The following SCARA3 variants were observed in gnomAD, a reference collection of about 807,000 sequenced individuals.
SCARA3 encodes scavenger receptor class A member 3, also known as cellular stress response gene protein.
A neutral mutation model predicts 47.0 loss-of-function variants in SCARA3; 39 were observed. The observed-to-expected ratio is 0.83, with a 90% CI of 0.64 to 1.08. SCARA3 has a LOEUF of 1.08. Ranked by LOEUF, SCARA3 falls within the 50% of genes least tolerant of loss-of-function variation. The pLI is 0.00. For synonymous variants in SCARA3, 356 were observed against 334.1 expected, an observed-to-expected ratio of 1.07 and a Z score of -0.71; for missense variants, 724 against 792.3, an observed-to-expected ratio of 0.91 and a Z score of 1.04.
intron 1 of SCARA3, among the ~76,000 whole-genome samples, chr8:27,646,982 C>G (rs1361590043): frequency 3.6e-5 from 4 of 109,840 alleles, no homozygotes; most frequent in Non-Finnish European, 5.9e-5. Context: ...GCCCCCCCCC[C>G]GCACACACAC....
chr8:27,698,183 T>C, the SCARA3 span, among the ~76,000 whole-genome samples: 3 of 152,228 alleles, frequency 2.0e-5, no homozygotes, highest in Non-Finnish European at 4.4e-5. Context: ...GTATTCTTTA[T>C]ATTAACAGGA....
At chr8:27,635,485 G>C (rs968601167) in intron 1 of SCARA3, among the ~76,000 whole-genome samples, 2 of 152,178 alleles carry the variant, frequency 1.3e-5, no homozygotes, top group African/African-American at 2.4e-5. Flanking sequence ...GACTCAATCT[G>C]TTGCCCATGC....
the SCARA3 span, among the ~76,000 whole-genome samples, chr8:27,713,858 T>C: frequency 6.6e-6 from 1 of 152,178 alleles, no homozygotes. Flanking sequence ...AAATCTTGCA[T>C]TGAATTTTAA....
At chr8:27,719,993 G>A in the SCARA3 span, among the ~76,000 whole-genome samples, 4 of 152,296 alleles carry the variant, frequency 2.6e-5, no homozygotes, top group Admixed American at 2.6e-4. Flanking sequence ...TCACCCTGCA[G>A]CTGATCAGGG....
chr8:27,684,169 C>A, the SCARA3 span, among the ~76,000 whole-genome samples: 1 of 152,112 alleles, frequency 6.6e-6, no homozygotes, highest in Admixed American at 6.5e-5. Context: ...AAACAACACA[C>A]ATGATCTGTG....
At chr8:27,712,552 G>A in the SCARA3 span, among the ~76,000 whole-genome samples, 4 of 102,736 alleles carry the variant, frequency 3.9e-5, no homozygotes, top group Non-Finnish European at 7.3e-5. Context: ...GACAGAGCGA[G>A]ACTCCGTCTC....
rs1256268054 is a variant in SCARA3, at chr8:27,659,483, T to G, written c.1313T>G (p.Met438Arg). Residue 438 changes from methionine (M) to arginine (R), a missense_variant, in exon 5 of 6, where the codon ATG (methionine) becomes AGG (arginine). Physicochemically the swap from Met to Arg is moderately conservative, Grantham distance 91. Transcript: ENST00000301904. ...AACCTCTCCATGATCGTGGAGGAGA[T>G]GAAGGCAGTGGACACACAGCATGGA... ...VRNLSMIVEE[M>R]KAVDTQHGEI... 6.2e-7 allele frequency: 1 copy of G among 1,613,954 alleles called. No individual in the cohort carries two copies. Among genetic ancestry groups the G allele is most frequent in the Admixed American group, 1.7e-5 (1 of 59,988 alleles).
In SCARA3 at chr8:27,655,242, C is replaced by T. The variant is rs1328619266; in HGVS notation, c.227-1540C>T. 3.9e-5 allele frequency among the ~76,000 whole-genome samples: 6 copies of T among 152,114 alleles called. No homozygotes were observed. The East Asian group carries it at 1.2e-3, about 29-fold the overall frequency. On this transcript the variant is annotated intron_variant, in intron 3 of 5. Coordinates refer to ENST00000301904, the MANE Select transcript of SCARA3 (RefSeq NM_016240.3). The stretch of plus-strand genomic sequence containing the variant: ...ACTGAGCTCAAGAAAGGGTAACTGA[C>T]TTGCCCAAAGTCACCCAACAAATGT...
chr8:27,689,390 A>AAACGGG, the SCARA3 span, among the ~76,000 whole-genome samples: 1 of 152,150 alleles, frequency 6.6e-6, no homozygotes, highest in Non-Finnish European at 1.5e-5. Flanking sequence ...CGAGGAAGGG[A>AAACGGG]AACGGGAGCG....
chr8:27,654,700 T>A (rs1801704040), intron 3 of SCARA3, among the ~76,000 whole-genome samples: 2 of 150,768 alleles, frequency 1.3e-5, no homozygotes, highest in Admixed American at 6.6e-5. Flanking sequence ...TGAAGTGGGA[T>A]GATCACTTGA....
At chr8:27,657,067 A>C (rs1002004029) in intron 4 of SCARA3, among the ~76,000 whole-genome samples, 187 bp downstream of exon 4, 1 of 152,136 alleles carries the variant, frequency 6.6e-6, no homozygotes, top group African/African-American at 2.4e-5. Context: ...CTACCCTGGG[A>C]TACTCCCAGG....
At chr8:27,635,588 A>T (rs1374987648) in intron 1 of SCARA3, among the ~76,000 whole-genome samples, 2 of 151,428 alleles carry the variant, frequency 1.3e-5, no homozygotes, top group Non-Finnish European at 2.9e-5. Context: ...AGCTGGTACT[A>T]CTAGGACTAC....
At chr8:27,642,789 A>G (rs1409789591) in intron 1 of SCARA3, among the ~76,000 whole-genome samples, 1 of 152,166 alleles carries the variant, frequency 6.6e-6, no homozygotes, top group Non-Finnish European at 1.5e-5. Context: ...GCACCACAGC[A>G]CTCCAGCCTG....
the SCARA3 span, among the ~76,000 whole-genome samples, chr8:27,726,026 T>G: frequency 6.6e-6 from 1 of 152,330 alleles, no homozygotes; most frequent in East Asian, 1.9e-4. Flanking sequence ...ATGCCCAGGC[T>G]TAGGTCTTCT....
At chr8:27,667,585 C>G (rs749739441) in intron 5 of SCARA3, among the ~76,000 whole-genome samples, 1 of 152,208 alleles carries the variant, frequency 6.6e-6, no homozygotes, top group Non-Finnish European at 1.5e-5. Context: ...ATCTTGAGCA[C>G]GTGGCCACCC....
At chr8:27,669,653 C>A (rs903188819) in intron 5 of SCARA3, among the ~76,000 whole-genome samples, 1 of 152,252 alleles carries the variant, frequency 6.6e-6, no homozygotes, top group African/African-American at 2.4e-5. Context: ...GCCACATCCC[C>A]GTGGCGGGAG....
At chr8:27,717,847 T>C in the SCARA3 span, among the ~76,000 whole-genome samples, 1 of 152,184 alleles carries the variant, frequency 6.6e-6, no homozygotes, top group Non-Finnish European at 1.5e-5. Flanking sequence ...GCTCTTACCA[T>C]GCCCCTCCTC....
At chr8:27,717,725 C>T in the SCARA3 span, among the ~76,000 whole-genome samples, 2 of 152,094 alleles carry the variant, frequency 1.3e-5, no homozygotes, top group African/African-American at 4.8e-5. Flanking sequence ...ACAGAGGTTA[C>T]AGAGATACAA....
intron 1 of SCARA3, among the ~76,000 whole-genome samples, chr8:27,644,970 T>A (rs1209293774): frequency 6.6e-6 from 1 of 152,144 alleles, no homozygotes; most frequent in Non-Finnish European, 1.5e-5. Context: ...GAGAAGAATA[T>A]GATGTCCCTT....
Sources: allele counts gnomAD v4.1 joint callset (sites outside exome capture counted in the v4.1 genomes callset), GRCh38; gene constraint gnomAD v4.1.1; transcripts MANE v1.5; gene names NCBI Gene and HGNC (gene_info 2026-07-23, HGNC 2026-07-21).